The following FASN variants were observed in gnomAD, a reference collection of about 807,000 sequenced individuals.
The protein encoded by FASN is 3-hydroxyacyl-[acyl-carrier-protein] dehydratase.
FASN carries 50 observed loss-of-function variants against 250.0 expected under a neutral mutation model. That is an observed-to-expected ratio of 0.20 (90% CI 0.16 to 0.25). FASN has a LOEUF of 0.25. FASN is among the 10% of genes least tolerant of loss of function. The pLI, the probability that FASN is intolerant of heterozygous loss-of-function variation, is 1.00. For synonymous variants in FASN, 1,909 were observed against 1,584.0 expected, an observed-to-expected ratio of 1.21 and a Z score of -4.87; for missense variants, 3,031 against 3,498.5, an observed-to-expected ratio of 0.87 and a Z score of 3.37.
Position 82,085,512 on chromosome 17 carries a change from C to T in FASN, c.4092G>A (p.Glu1364=), listed in dbSNP as rs1235745313. 6.3e-7 allele frequency: 1 copy of T among 1,595,618 alleles called. No individual in the cohort carries two copies. Among genetic ancestry groups the T allele is most frequent in the Non-Finnish European group, 8.5e-7 (1 of 1,171,844 alleles). Residue 1364 remains glutamate (E), a synonymous_variant, in exon 23 of 43, where the codon GAG becomes GAA. Transcript: ENST00000306749. ...TCAGGATGCCCTGGCCATACTGCGG[C>T]TCAGTGGAGGTGAGGAAGGCCACGA... ...GDIVAFLTST[E]PQYGQGILSQ...
intron 22 of FASN, 61 bp downstream of exon 22, chr17:82,086,193 G>T (rs2034094281): frequency 1.0e-5 from 16 of 1,534,104 alleles, no homozygotes; most frequent in African/African-American, 1.4e-5. Context: ...TCCTGCAACT[G>T]ATGTCAGGGT....
Position 82,093,438 on chromosome 17 carries a change from C to T in FASN, c.455-19G>A, listed in dbSNP as rs758333211. On this transcript the variant is annotated intron_variant, in intron 4 of 42. Transcript: ENST00000306749. ...CTGGGCCCTGCAAGGAAGGGTGCTG[C>T]GGCTCAGGTGGGGCTGTGAGCACAC... is the stretch of plus-strand genomic sequence containing the variant. 1.4e-5 allele frequency: 22 copies of T among 1,592,930 alleles called. No homozygotes were observed. Among genetic ancestry groups the T allele is most frequent in the East Asian group, 9.0e-5 (4 of 44,304 alleles).
At position 82,079,248 on chromosome 17, in the gene FASN, G is replaced by A. The variant is rs992946058; in HGVS notation, c.7431C>T (p.Ile2477=). The part of the protein sequence containing the change: ...VCDGKVSVHV[I]EGDHRTLLEG... ...CCAGCAGCGTGCGGTGGTCACCCTC[G>A]ATGACGTGGACGGATACTTTCCCGT... The change falls in exon 43 of 43, where the codon ATC becomes ATT. Residue 2477 remains isoleucine, a synonymous_variant. Transcript: ENST00000306749. 9 of 1,612,890 alleles carry A rather than the reference G, an allele frequency of 5.6e-6. No individual in the cohort carries two copies. Among genetic ancestry groups the A allele is most frequent in the East Asian group, 2.2e-5 (1 of 44,886 alleles).
rs574816030 is a variant in FASN at position 82,082,364 on chromosome 17, G to A, written c.5970C>T (p.Asp1990=). The stretch of plus-strand genomic sequence containing the variant: ...TGCCGCTGTACTTGGGCTTGCAGAC[G>A]TCCTGGAAGAACTCTGGGGTCTGGT... The part of the protein sequence containing the change: ...LENQTPEFFQ[D]VCKPKYSGTL... Residue 1990 remains aspartate, a synonymous_variant, in exon 35 of 43, where the codon GAC becomes GAT. Coordinates refer to ENST00000306749, the MANE Select transcript of FASN (RefSeq NM_004104.5). The A allele has an allele frequency of 2.2e-5, 36 of 1,612,768 alleles. No individual in the cohort carries two copies. The highest frequency in any genetic ancestry group is 2.7e-5 in the Non-Finnish European group (32 of 1,180,012).
chr17:82,090,866 G>T lies in FASN; in HGVS notation c.1680+16C>A. On this transcript the variant is annotated intron_variant, in intron 10 of 42. Transcript: ENST00000306749. ...TGGGGCTGGCGTTGCTCACACGCTG[G>T]CAGGCTGGGCCCTACCTGGATGGCA... The T allele has an allele frequency of 6.4e-7, 1 of 1,568,198 alleles. No homozygotes were observed.
Position 82,084,862 on chromosome 17 carries a change from G to C in FASN, c.4501C>G (p.Leu1501Val). 6.4e-7 allele frequency: 1 copy of C among 1,550,584 alleles called. No homozygotes were observed. ...CCGTCGCGGTAGACGTTCATCACCA[G>C]GTCTCCCTGCAACACCTTCTGCAGT... ...AELQKVLQGD[L>V]VMNVYRDGAW... is the part of the protein sequence containing the mutation. The change falls in exon 26 of 43, where the codon CTG becomes GTG. Residue 1501 changes from leucine to valine, a missense_variant. Coordinates refer to ENST00000306749, the MANE Select transcript of FASN (RefSeq NM_004104.5).
At chr17:82,089,803 T>C in intron 11 of FASN, 77 bp from the exon 12 acceptor site, 2 of 1,236,176 alleles carry the variant, frequency 1.6e-6, no homozygotes, top group Non-Finnish European at 2.3e-6. Context: ...AGACACTGCC[T>C]GCAGCTGGGG....
intron 2 of FASN, among the ~76,000 whole-genome samples, chr17:82,096,045 T>C (rs1391261773): frequency 6.6e-6 from 1 of 152,250 alleles, no homozygotes; most frequent in Non-Finnish European, 1.5e-5. Context: ...GCCCTCGGCC[T>C]TGCAGCCATT....
intron 12 of FASN, 118 bp downstream of exon 12, chr17:82,089,514 C>T (rs531128884): frequency 3.2e-6 from 5 of 1,557,040 alleles, no homozygotes; most frequent in East Asian, 2.3e-5. Context: ...GACAAACCTG[C>T]CCCATGCCCC....
Position 82,093,758 on chromosome 17 carries a change from A to C in FASN, c.294T>G (p.Asp98Glu). The change falls in exon 4 of 43, where the codon GAT becomes GAG. Residue 98 changes from aspartate to glutamate, a missense_variant. Transcript: ENST00000306749. Reference protein sequence around the residue: ...EAIVDGGINPDSLRGTHTGVW... With the variant: ...EAIVDGGINPESLRGTHTGVW... The stretch of plus-strand genomic sequence containing the variant: ...CGCCAGTGTGTGTTCCTCGGAGTGA[A>C]TCTGGGTTGATGCCTGCCACAAACA... 3.7e-6 allele frequency: 6 copies of C among 1,612,378 alleles called. No individual in the cohort carries two copies. The highest frequency in any genetic ancestry group is 5.1e-6 in the Non-Finnish European group (6 of 1,179,820).
rs2034043466 is a variant in FASN at position 82,084,133 on chromosome 17, G to A, written c.4940C>T (p.Ser1647Leu). 2 of 1,589,514 alleles carry A rather than the reference G, an allele frequency of 1.3e-6. No individual in the cohort carries two copies. Among genetic ancestry groups the A allele is most frequent in the African/African-American group, 1.3e-5 (1 of 74,244 alleles). ...GGCCGTGCTGTAGACGACAGGCACC[G>A]AGGCCGCCTCCTCCAGCGTCCTGGG... ...PSNWTLEEAA[S>L]VPVVYSTAYY... The change falls in exon 29 of 43, where the codon TCG becomes TTG. Residue 1647 changes from serine to leucine, a missense_variant. Ser to Leu is a moderately radical substitution (Grantham distance 145, BLOSUM62 -2). Coordinates refer to ENST00000306749, the MANE Select transcript of FASN (RefSeq NM_004104.5).
In FASN at chr17:82,081,158, A is replaced by AGTGCT; in HGVS notation, c.6595+5_6595+6insAGCAC. ...ACCCCACTCCCGCCTGGCCACCCAC[A>AGTGCT]CGCACCGCTGGCCTCATCCGCCTTT... On this transcript the variant is annotated splice_donor_region_variant and intron_variant, in intron 38 of 42. Coordinates refer to ENST00000306749, the MANE Select transcript of FASN (RefSeq NM_004104.5). 2 of 1,576,710 alleles carry AGTGCT rather than the reference A, an allele frequency of 1.3e-6. No homozygotes were observed. The highest frequency in any genetic ancestry group is 1.7e-6 in the Non-Finnish European group (2 of 1,162,694).
rs45615935 is a variant in FASN, at chr17:82,090,321, C to T, written c.1870+54G>A. On this transcript the variant is annotated intron_variant, in intron 11 of 42. Coordinates refer to ENST00000306749, the MANE Select transcript of FASN (RefSeq NM_004104.5). Reference sequence around the variant, plus strand: ...AGGGCTGCAGGTGAGGACCCCACAGCGAGAAGGCAGCCTCCTTTCTTGGAG... The same window carrying T: ...AGGGCTGCAGGTGAGGACCCCACAGTGAGAAGGCAGCCTCCTTTCTTGGAG... 1.2e-4 allele frequency: 179 copies of T among 1,525,480 alleles called. 2 individuals carry two copies. The Admixed American group carries it at 1.4e-3, about 12-fold the overall frequency. 94.5% of individuals were successfully genotyped at this position (1,525,480 alleles called of 1,614,324 possible).
rs12946178 is a variant in FASN at position 82,089,118 on chromosome 17, C to T, written c.2155G>A (p.Glu719Lys). The T allele has an allele frequency of 6.3e-3, 9,802 of 1,567,442 alleles. 47 individuals are homozygous for T. Among genetic ancestry groups the T allele is most frequent in the Non-Finnish European group, 6.7e-3 (7,726 of 1,156,618 alleles). The change falls in exon 14 of 43, where the codon GAG becomes AAG. Residue 719 changes from glutamate (E) to lysine (K), a missense_variant. Glu to Lys is a moderately conservative substitution (Grantham distance 56). Transcript: ENST00000306749. ...GCCAGGCTGCTGTGCCACTGGGCCTCGGGGATAGAGGTGCTGAGCCAGCGG... is the reference window on the plus strand; with the variant it reads ...GCCAGGCTGCTGTGCCACTGGGCCTTGGGGATAGAGGTGCTGAGCCAGCGG... ...SARWLSTSIPEAQWHSSLART... is the reference protein window; with the variant it reads ...SARWLSTSIPKAQWHSSLART...
rs2034253277 is a variant in FASN at position 82,093,625 on chromosome 17, G to T, written c.427C>A (p.Arg143=). Residue 143 remains arginine (R), a synonymous_variant, in exon 4 of 43, where the codon CGG becomes AGG. Coordinates refer to ENST00000306749, the MANE Select transcript of FASN (RefSeq NM_004104.5). ...CTGAAGTCGAAGAAGAAGGAGAGCC[G>T]GTTGGCCATCATCGCTCGCTGGCAG... ...VGCQRAMMAN[R]LSFFFDFRGP... is the part of the protein sequence containing the mutation. The T allele has an allele frequency of 4.3e-6, 7 of 1,612,786 alleles. No individual in the cohort carries two copies. Among genetic ancestry groups the T allele is most frequent in the East Asian group, 2.2e-5 (1 of 44,884 alleles).
rs1164119399 is a variant in FASN at position 82,082,599 on chromosome 17, C to T, written c.5847G>A (p.Leu1949=). The T allele has an allele frequency of 6.2e-6, 10 of 1,610,666 alleles. No homozygotes were observed. The highest frequency in any genetic ancestry group is 8.5e-6 in the Non-Finnish European group (10 of 1,179,896). The change falls in exon 34 of 43, where the codon CTG becomes CTA. Residue 1949 remains leucine, a synonymous_variant. Transcript: ENST00000306749. ...CGGCAATGAGGCCCCGGGCCCCCTC[C>T]AGTGAGCTGATGTTGCTGGTGGACA... The part of the protein sequence containing the change: ...VQVSTSNISS[L]EGARGLIAEA...
intron 22 of FASN, 38 bp from the exon 23 acceptor site, chr17:82,085,909 G>C: frequency 6.7e-7 from 1 of 1,495,806 alleles, no homozygotes; most frequent in Non-Finnish European, 8.9e-7. Flanking sequence ...CCCACACCAG[G>C]CAGGTGCCCC....
chr17:82,086,582 T>G (rs1212705249), intron 21 of FASN, 24 bp from the exon 22 acceptor site: 2 of 1,577,382 alleles, frequency 1.3e-6, no homozygotes, highest in Non-Finnish European at 1.7e-6. Flanking sequence ...GAGGCAGGCC[T>G]GGTGTTCCCA....
chr17:82,091,122 C>A (rs918025641), intron 9 of FASN, 53 bp from the exon 10 acceptor site: 2 of 1,605,608 alleles, frequency 1.2e-6, no homozygotes, highest in East Asian at 4.5e-5. Context: ...CCACTGTGTG[C>A]CCATCCCCGT....
Sources: gnomAD v4.1 joint callset for allele counts (sites outside exome capture counted in the v4.1 genomes callset) on GRCh38, gnomAD v4.1.1 for gene constraint, MANE v1.5 for transcripts, NCBI Gene and HGNC (gene_info 2026-07-23, HGNC 2026-07-21) for gene names.